Variants in GLYR1 observed in about 807,000 individuals in gnomAD.
GLYR1 encodes the protein glyoxylate reductase 1 homolog.
GLYR1 carries 21 observed loss-of-function variants against 72.7 expected under a neutral mutation model. That is an observed-to-expected ratio of 0.29 (90% CI 0.20 to 0.42). The LOEUF is 0.42. Ranked by LOEUF, GLYR1 falls within the 10% of genes least tolerant of loss-of-function variation. GLYR1 has a pLI of 1.00. For synonymous variants in GLYR1, 392 were observed against 270.2 expected, an observed-to-expected ratio of 1.45 and a Z score of -4.42; for missense variants, 594 against 712.1, an observed-to-expected ratio of 0.83 and a Z score of 1.89.
intron 3 of GLYR1, among the ~76,000 whole-genome samples, chr16:4,835,951 C>T (rs924305675): frequency 6.6e-6 from 1 of 151,992 alleles, no homozygotes; most frequent in African/African-American, 2.4e-5. Flanking sequence ...AAAGGTTACA[C>T]TTCTTTCATC....
At chr16:4,845,766 C>T (rs1240808998) in intron 2 of GLYR1, among the ~76,000 whole-genome samples, 2 of 152,172 alleles carry the variant, frequency 1.3e-5, no homozygotes, top group African/African-American at 2.4e-5. Flanking sequence ...ACTGGAGTAG[C>T]ACATATGGTA....
intron 5 of GLYR1, among the ~76,000 whole-genome samples, chr16:4,825,751 C>T (rs2084342411): frequency 6.6e-6 from 1 of 151,880 alleles, no homozygotes; most frequent in African/African-American, 2.4e-5. Flanking sequence ...TCCTGGGTTC[C>T]AGCGATTCTC....
intron 1 of GLYR1, chr16:4,847,007 G>C: frequency 1.8e-6 from 1 of 555,344 alleles, no homozygotes; most frequent in Non-Finnish European, 3.2e-6. Context: ...GCCGGCCTCG[G>C]GGATCAAAGC....
chr16:4,808,371 T>C (rs768375622), intron 15 of GLYR1, among the ~76,000 whole-genome samples: 3 of 151,658 alleles, frequency 2.0e-5, no homozygotes, highest in Admixed American at 6.6e-5. Flanking sequence ...CTGAGGTGGG[T>C]GGATCACCTG....
intron 7 of GLYR1, among the ~76,000 whole-genome samples, chr16:4,822,277 G>T (rs998893899): frequency 6.8e-6 from 1 of 147,970 alleles, no homozygotes; most frequent in Admixed American, 6.7e-5. Flanking sequence ...AGTAGAGATG[G>T]GGTTTCACCA....
chr16:4,844,580 G>C (rs1323940913), intron 3 of GLYR1, among the ~76,000 whole-genome samples: 1 of 152,126 alleles, frequency 6.6e-6, no homozygotes, highest in African/African-American at 2.4e-5. Flanking sequence ...AGAACATCCT[G>C]GGCAACATGG....
At chr16:4,845,208 T>C (rs1201045250) in intron 2 of GLYR1, 55 bp from the exon 3 acceptor site, 3 of 1,212,564 alleles carry the variant, frequency 2.5e-6, no homozygotes, top group African/African-American at 3.0e-5. Context: ...GCCCACTTTC[T>C]AGTGGCTCCA....
rs1337222297 is a variant in GLYR1 at position 4,822,858 on chromosome 16, C to G, written c.681+17G>C. ...CCAGCCCCTGACCAAGGGCCAAGAG[C>G]CTCAAAGGCAACTCACCTTCTCTGT... is the stretch of plus-strand genomic sequence containing the variant. On this transcript the variant is annotated intron_variant, in intron 7 of 15. Coordinates refer to ENST00000321919, the MANE Select transcript of GLYR1 (RefSeq NM_032569.4). The G allele has an allele frequency of 8.1e-6, 13 of 1,612,068 alleles. No homozygotes were observed. Among genetic ancestry groups the G allele is most frequent in the Non-Finnish European group, 1.1e-5 (13 of 1,178,092 alleles).
At chr16:4,846,977 C>A in intron 1 of GLYR1, 1 of 526,182 alleles carries the variant, frequency 1.9e-6, no homozygotes, top group Admixed American at 3.8e-5. Context: ...TATCTGGGCC[C>A]CGAGTGCAGA....
Position 4,819,920 on chromosome 16 carries a change from C to T in GLYR1, c.806+1460G>A, listed in dbSNP as rs559778025. 2.6e-5 allele frequency among the ~76,000 whole-genome samples: 4 copies of T among 152,280 alleles called. No individual in the cohort carries two copies. In the East Asian group the frequency reaches 7.7e-4, roughly 29 times the overall value. ...CTCATTATTTGGGTAGTACAATATT[C>T]CCCCATGATTCTAAATCATGACAGG... is the stretch of plus-strand genomic sequence containing the variant. On this transcript the variant is annotated intron_variant, in intron 9 of 15. Transcript: ENST00000321919.
intron 3 of GLYR1, among the ~76,000 whole-genome samples, chr16:4,841,713 T>C (rs1192752480): frequency 1.3e-5 from 2 of 152,152 alleles, no homozygotes; most frequent in African/African-American, 4.8e-5. Context: ...AGGCTCCTTA[T>C]GAGACTGAGT....
intron 3 of GLYR1, among the ~76,000 whole-genome samples, chr16:4,834,007 G>A (rs1393281279): frequency 6.6e-6 from 1 of 152,206 alleles, no homozygotes; most frequent in African/African-American, 2.4e-5. Flanking sequence ...CAAGCTTCAG[G>A]TTGTTTTCTT....
chr16:4,841,347 G>A (rs2085530894), intron 3 of GLYR1, among the ~76,000 whole-genome samples: 2 of 150,270 alleles, frequency 1.3e-5, no homozygotes, highest in South Asian at 2.1e-4. Flanking sequence ...GGGGCTCGGC[G>A]CTGTGGCTCA....
chr16:4,827,466 G>T (rs1409045643), intron 5 of GLYR1, among the ~76,000 whole-genome samples: 1 of 152,168 alleles, frequency 6.6e-6, no homozygotes, highest in African/African-American at 2.4e-5. Flanking sequence ...GCCAGGTGAA[G>T]CACAAAGAAC....
chr16:4,806,729 T>C (rs1456606778), intron 15 of GLYR1, among the ~76,000 whole-genome samples: 1 of 151,768 alleles, frequency 6.6e-6, no homozygotes, highest in African/African-American at 2.4e-5. Context: ...CCGCAATCTG[T>C]AGAGTAACCA....
At chr16:4,844,083 C>T (rs1357492195) in intron 3 of GLYR1, among the ~76,000 whole-genome samples, 4 of 142,360 alleles carry the variant, frequency 2.8e-5, no homozygotes, top group Non-Finnish European at 6.0e-5. Flanking sequence ...CACTGCACTC[C>T]AGCCTGGGTG....
intron 3 of GLYR1, among the ~76,000 whole-genome samples, chr16:4,842,220 G>T (rs1325265614): frequency 6.6e-6 from 1 of 151,300 alleles, no homozygotes; most frequent in Non-Finnish European, 1.5e-5. Context: ...CTCCAGCCTG[G>T]GCGACAGAGC....
chr16:4,832,280 C>T, intron 4 of GLYR1, 59 bp from the exon 5 acceptor site: 1 of 1,593,702 alleles, frequency 6.3e-7, no homozygotes. Flanking sequence ...CCATCGCCAC[C>T]ATCATTTACA....
intron 3 of GLYR1, among the ~76,000 whole-genome samples, chr16:4,834,126 G>A (rs543996165): frequency 1.3e-3 from 197 of 152,228 alleles, no homozygotes; most frequent in African/African-American, 4.6e-3. Context: ...GCTGCTGGTA[G>A]TTGTGATAAT....
Sources: gnomAD v4.1 joint callset for allele counts (sites outside exome capture counted in the v4.1 genomes callset) on GRCh38, gnomAD v4.1.1 for gene constraint, MANE v1.5 for transcripts, NCBI Gene and HGNC (gene_info 2026-07-23, HGNC 2026-07-21) for gene names.